Variants in TENM1 observed in about 807,000 individuals in gnomAD.
TENM1 encodes teneurin-1.
TENM1 carries 35 observed loss-of-function variants against 174.8 expected under a neutral mutation model. The observed-to-expected ratio is 0.20, with a 90% CI of 0.15 to 0.27. The LOEUF is 0.27. Among genes scored for constraint, TENM1 ranks in the 10% least tolerant of loss-of-function variants. TENM1 has a pLI of 1.00. For synonymous variants in TENM1, 781 were observed against 798.7 expected (o/e 0.98, Z 0.37); for missense variants, 1,633 against 2,130.1 (o/e 0.77, Z 4.59).
chrX:124,836,417 G>A (rs980166606), intron 3 of TENM1, among the ~76,000 whole-genome samples: 1 of 111,470 alleles, frequency 9.0e-6, no homozygotes, highest in African/African-American at 3.3e-5. Flanking sequence ...CTCTTTACCA[G>A]TCTGACCACT....
At chrX:125,193,508 C>T in the TENM1 span, among the ~76,000 whole-genome samples, 1 of 111,467 alleles carries the variant, frequency 9.0e-6, no homozygotes, top group Non-Finnish European at 1.9e-5. Flanking sequence ...GGCATGTACA[C>T]CCTTGCGTCC....
chrX:124,887,658 A>C (rs766632257), intron 3 of TENM1, among the ~76,000 whole-genome samples: 5 of 111,388 alleles, frequency 4.5e-5, no homozygotes, highest in Non-Finnish European at 7.5e-5. Flanking sequence ...TTTGAATATC[A>C]CAGTCACCAC....
In TENM1 at chrX:124,550,909, C is replaced by T. The variant is rs1192882125; in HGVS notation, c.2435-3819G>A. ...GAGTACCTGGGATTACAGGCACCTG[C>T]CACCATGCCCAGCTAACTTTTTGTA... On this transcript the variant is annotated intron_variant, in intron 14 of 31. Coordinates refer to ENST00000422452, the Ensembl canonical transcript of TENM1. 2.7e-5 allele frequency among the ~76,000 whole-genome samples: 3 copies of T among 111,382 alleles called. No homozygotes were observed. In the East Asian group the frequency reaches 8.5e-4, roughly 32 times the overall value.
At chrX:124,466,447 C>G (rs188873116) in intron 22 of TENM1, among the ~76,000 whole-genome samples, 1 of 111,930 alleles carries the variant, frequency 8.9e-6, no homozygotes, top group Non-Finnish European at 1.9e-5. Flanking sequence ...CCAGCATTTC[C>G]AGGAACTAGG....
chrX:125,034,610 A>C, the TENM1 span, among the ~76,000 whole-genome samples: 1 of 112,255 alleles, frequency 8.9e-6, no homozygotes, highest in Non-Finnish European at 1.9e-5. Context: ...GATCTAAAGA[A>C]GATTAAATTT....
At chrX:124,580,293 C>A (rs948746952) in intron 11 of TENM1, among the ~76,000 whole-genome samples, 1 of 110,860 alleles carries the variant, frequency 9.0e-6, no homozygotes, top group African/African-American at 3.3e-5. Context: ...GGAGATCCTG[C>A]CATTTGCTAC....
At chrX:124,384,737 G>A (rs1464400313) in exon 30 of TENM1, 9 of 1,211,451 alleles carry the variant, frequency 7.4e-6, no homozygotes, top group Non-Finnish European at 1.0e-5. Context: ...AGGCAAAGGG[G>A]TTTCATTGAT....
intron 13 of TENM1, among the ~76,000 whole-genome samples, chrX:124,562,862 C>T (rs746229870): frequency 9.0e-5 from 10 of 111,346 alleles, no homozygotes; most frequent in Non-Finnish European, 1.7e-4. Context: ...AAGAAAATTC[C>T]AAAAGCATAA....
intron 27 of TENM1, among the ~76,000 whole-genome samples, chrX:124,400,368 G>T (rs935924806): frequency 9.0e-6 from 1 of 111,601 alleles, no homozygotes; most frequent in African/African-American, 3.3e-5. Context: ...GTCAGCCTGA[G>T]ACCCTGTGTT....
chrX:124,633,556 T>G (rs1268461748), intron 11 of TENM1, among the ~76,000 whole-genome samples: 2 of 111,301 alleles, frequency 1.8e-5, no homozygotes, highest in African/African-American at 6.5e-5. Context: ...TTTGAAAACA[T>G]TTGATATTTG....
the TENM1 span, among the ~76,000 whole-genome samples, chrX:125,070,112 G>A: frequency 1.8e-5 from 2 of 109,521 alleles, no homozygotes; most frequent in African/African-American, 6.7e-5. Flanking sequence ...GATCACTTGA[G>A]CTTAAAAATT....
chrX:125,013,975 T>C, the TENM1 span, among the ~76,000 whole-genome samples: 3 of 112,046 alleles, frequency 2.7e-5, no homozygotes, highest in African/African-American at 9.7e-5. Context: ...AACACATCTA[T>C]CTAAGCTTCT....
chrX:124,403,245 G>T (rs1190478257), intron 27 of TENM1, among the ~76,000 whole-genome samples: 1 of 111,188 alleles, frequency 9.0e-6, no homozygotes, highest in Non-Finnish European at 1.9e-5. Context: ...CACTGGCCGG[G>T]CACGGTGGCT....
chrX:125,152,754 A>T, the TENM1 span, among the ~76,000 whole-genome samples: 34 of 112,500 alleles, frequency 3.0e-4, no homozygotes, highest in Admixed American at 1.6e-3. Flanking sequence ...CCTAATTCAA[A>T]TCACACTTGC....
chrX:124,965,206 T>C (rs1390073201), upstream of TENM1, among the ~76,000 whole-genome samples: 1 of 110,727 alleles, frequency 9.0e-6, no homozygotes, highest in African/African-American at 3.3e-5. Flanking sequence ...GCCTCCCGAG[T>C]AGCTAGGACT....
At chrX:124,607,359 T>C (rs1433903055) in intron 11 of TENM1, among the ~76,000 whole-genome samples, 1 of 110,694 alleles carries the variant, frequency 9.0e-6, no homozygotes, top group Non-Finnish European at 1.9e-5. Context: ...CTATTTTATA[T>C]TGGGTGATCA....
rs2072886 is a variant in TENM1 at position 124,421,107 on chromosome X, A to G, written c.4472-286T>C. Among the ~76,000 whole-genome samples the G allele has an allele frequency of 0.2, 21,983 of 111,289 alleles. 2,073 individuals carry two copies. Among genetic ancestry groups the G allele is most frequent in the East Asian group, 0.5 (1,725 of 3,479 alleles). ...AGAATCTATTGTATTATAAGAAACA[A>G]GAACTGCAAATAATGATAGCCACAC... On this transcript the variant is annotated intron_variant, in intron 24 of 31. Transcript: ENST00000422452.
intron 15 of TENM1, among the ~76,000 whole-genome samples, chrX:124,540,608 G>A (rs2048297517): frequency 9.0e-6 from 1 of 111,452 alleles, no homozygotes; most frequent in Admixed American, 9.5e-5. Flanking sequence ...AGGGCAGAAC[G>A]CATGTTACAT....
chrX:124,890,287 T>C (rs1375771192), intron 3 of TENM1, among the ~76,000 whole-genome samples: 1 of 111,837 alleles, frequency 8.9e-6, no homozygotes, highest in African/African-American at 3.2e-5. Context: ...TACTGTTTTT[T>C]CCTCCAGTTC....
Sources: gnomAD v4.1 joint callset for allele counts (sites outside exome capture counted in the v4.1 genomes callset) on GRCh38, gnomAD v4.1.1 for gene constraint, MANE v1.5 for transcripts, NCBI Gene and HGNC (gene_info 2026-07-23, HGNC 2026-07-21) for gene names.